Variants in LRRTM1 observed in about 807,000 individuals in gnomAD.
LRRTM1 encodes leucine-rich repeat transmembrane neuronal protein 1.
Under a neutral mutation model 37.3 loss-of-function variants are expected in LRRTM1, and 8 were observed. That is an observed-to-expected ratio of 0.21 (90% CI 0.13 to 0.39). LRRTM1 has a LOEUF of 0.39. Among genes scored for constraint, LRRTM1 ranks in the 10% least tolerant of loss-of-function variants. The pLI is 1.00. For synonymous variants in LRRTM1, 326 were observed against 316.8 expected (o/e 1.03, Z -0.31); for missense variants, 557 against 691.0 (o/e 0.81, Z 2.17).
intron 2 of LRRTM1, among the ~76,000 whole-genome samples, chr2:80,295,448 A>AT (rs960427010): frequency 2.6e-5 from 4 of 151,760 alleles, no homozygotes; most frequent in Non-Finnish European, 2.9e-5. Flanking sequence ...CTCTCAGTGA[A>AT]TTTTTTTTTA....
chr2:80,290,302 A>C (rs547452711), intron 2 of LRRTM1, among the ~76,000 whole-genome samples: 1 of 152,272 alleles, frequency 6.6e-6, no homozygotes, highest in East Asian at 1.9e-4. Flanking sequence ...GGAGCTGATA[A>C]GACAAAGTCC....
At chr2:80,289,331 G>A (rs766693721) in intron 2 of LRRTM1, 2 of 152,168 alleles carry the variant, frequency 1.3e-5, no homozygotes, top group Non-Finnish European at 2.9e-5. Flanking sequence ...GACTAACAGA[G>A]AGGGTGCTAT....
intron 2 of LRRTM1, among the ~76,000 whole-genome samples, chr2:80,291,555 G>C (rs1028619746): frequency 1.3e-5 from 2 of 152,180 alleles, no homozygotes; most frequent in African/African-American, 4.8e-5. Flanking sequence ...CAAAGAAAAA[G>C]CTTCTTTAAA....
rs757993915 is a variant in LRRTM1 at position 80,302,474 on chromosome 2, G to A, written c.1346C>T (p.Ser449Phe). 6.2e-7 allele frequency: 1 copy of A among 1,614,044 alleles called. No individual in the cohort carries two copies. The highest frequency in any genetic ancestry group is 8.5e-7 in the Non-Finnish European group (1 of 1,180,044). The change falls in exon 2 of 2, where the codon TCC becomes TTC. Residue 449 changes from serine to phenylalanine, a missense_variant. By Grantham distance (155) the Ser-to-Phe change is radical. Around this residue, in one of 5 missense-constraint regions of LRRTM1, gnomAD observed 90 missense variants for 149.4 expected, o/e 0.60. Coordinates refer to ENST00000295057, the MANE Select transcript of LRRTM1 (RefSeq NM_178839.5). The surrounding 1 kb of genome is among the most constrained non-coding windows in gnomAD (Gnocchi z 6.4). ...GAGGCTGGCTGGGAAACACTTCCAG[G>A]ACACGTAGAGCACCAGGACCACGAT... ...FLIVVLVLYV[S>F]WKCFPASLRQ...
At chr2:80,290,227 A>T (rs973529722) in intron 2 of LRRTM1, among the ~76,000 whole-genome samples, 2 of 152,168 alleles carry the variant, frequency 1.3e-5, no homozygotes, top group Non-Finnish European at 2.9e-5. Context: ...TCCATGCCAG[A>T]TAGTTTTTTA....
chr2:80,303,314 C>T lies in LRRTM1; in HGVS notation c.506G>A (p.Arg169Gln). Reference sequence around the variant, plus strand: ...GGGCACAAACTGGATGGCGTTGGCCCGCATATGCAGCGTGGTGAGCTTCCG... The same window carrying T: ...GGGCACAAACTGGATGGCGTTGGCCTGCATATGCAGCGTGGTGAGCTTCCG... The part of the protein sequence containing the change: ...GLRKLTTLHM[R>Q]ANAIQFVPVR... Residue 169 changes from arginine to glutamine, a missense_variant, in exon 2 of 2, where the codon CGG (arginine) becomes CAG (glutamine). Arg to Gln is a conservative substitution (Grantham distance 43, BLOSUM62 1). Transcript: ENST00000295057. The surrounding 1 kb of genome is among the most constrained non-coding windows in gnomAD (Gnocchi z 7.7). 1 of 1,613,724 alleles carries T rather than the reference C, an allele frequency of 6.2e-7. No homozygotes were observed. Among genetic ancestry groups the T allele is most frequent in the East Asian group, 2.2e-5 (1 of 44,844 alleles).
Position 80,302,464 on chromosome 2 carries a change from A to G in LRRTM1, c.1356T>C (p.Cys452=), listed in dbSNP as rs1415347876. The G allele has an allele frequency of 3.7e-6, 6 of 1,614,018 alleles. No individual in the cohort carries two copies. The highest frequency in any genetic ancestry group is 1.7e-5 in the Admixed American group (1 of 60,014). ...VVLVLYVSWK[C]FPASLRQLRQ... is the part of the protein sequence containing the mutation. Reference sequence around the variant, plus strand: ...TGAGCTGCCTGAGGCTGGCTGGGAAACACTTCCAGGACACGTAGAGCACCA... The same window carrying G: ...TGAGCTGCCTGAGGCTGGCTGGGAAGCACTTCCAGGACACGTAGAGCACCA... The change falls in exon 2 of 2, where the codon TGT becomes TGC. Residue 452 remains cysteine (C), a synonymous_variant. Transcript: ENST00000295057. The surrounding 1 kb of genome is among the most constrained non-coding windows in gnomAD (Gnocchi z 6.4).
chr2:80,297,222 G>A (rs1675824707), downstream of LRRTM1, among the ~76,000 whole-genome samples: 1 of 152,162 alleles, frequency 6.6e-6, no homozygotes, highest in Admixed American at 6.5e-5. Flanking sequence ...CTAGTTCTAG[G>A]CTCTTTGTTA....
Position 80,303,194 on chromosome 2 carries a change from A to G in LRRTM1, c.626T>C (p.Phe209Ser), listed in dbSNP as rs770462411. ...SLARNSFAGL[F>S]KLTELHLEHN... The stretch of plus-strand genomic sequence containing the variant: ...CTCGAGGTGCAGCTCGGTGAGCTTA[A>G]ACAAGCCGGCGAAAGAGTTGCGCGC... Residue 209 changes from phenylalanine to serine, a missense_variant, in exon 2 of 2, where the codon TTT becomes TCT. Transcript: ENST00000295057. The surrounding 1 kb of genome is among the most constrained non-coding windows in gnomAD (Gnocchi z 7.7). 2.3e-5 allele frequency: 37 copies of G among 1,613,846 alleles called. 1 individual carries two copies. The South Asian group carries it at 3.6e-4, about 16-fold the overall frequency.
At chr2:80,296,070 A>T (rs1175079107) in intron 2 of LRRTM1, among the ~76,000 whole-genome samples, 1 of 152,024 alleles carries the variant, frequency 6.6e-6, no homozygotes, top group Non-Finnish European at 1.5e-5. Context: ...TTTTACGATT[A>T]TTGCGGGTAC....
intron 2 of LRRTM1, among the ~76,000 whole-genome samples, chr2:80,293,574 A>C (rs1675459945): frequency 6.6e-6 from 1 of 152,148 alleles, no homozygotes; most frequent in South Asian, 2.1e-4. Flanking sequence ...ACAAGGTGGG[A>C]TGTCCTGGCC....
chr2:80,299,370 T>TC (rs1202482313), downstream of LRRTM1: 2 of 143,056 alleles, frequency 1.4e-5, no homozygotes, highest in East Asian at 4.6e-4. Context: ...TCCCCCCACC[T>TC]CCCCCCACCA....
Position 80,302,187 on chromosome 2 carries a change from C to T in LRRTM1, c.*64G>A, listed in dbSNP as rs1676385615. Reference sequence around the variant, plus strand: ...GACAAGGAGACCCCAGCCTGGTGCCCGCCGGCCCGTCCCGGCTGCCCAGGC... The same window carrying T: ...GACAAGGAGACCCCAGCCTGGTGCCTGCCGGCCCGTCCCGGCTGCCCAGGC... On this transcript the variant is annotated 3_prime_UTR_variant, in exon 2 of 2. Transcript: ENST00000295057. This position sits in a 1 kb window ranked among gnomAD's most constrained non-coding sequence, Gnocchi z 6.4. 1 of 1,559,866 alleles carries T rather than the reference C, an allele frequency of 6.4e-7. No homozygotes were observed. The highest frequency in any genetic ancestry group is 1.8e-5 in the Admixed American group (1 of 56,620).
Position 80,302,494 on chromosome 2 carries a change from C to T in LRRTM1, c.1326G>A (p.Val442=). The stretch of plus-strand genomic sequence containing the variant: ...TCCAGGACACGTAGAGCACCAGGAC[C>T]ACGATGAGGAAGGAGAAGATGAGGG... ...TMALIFSFLI[V]VLVLYVSWKC... Residue 442 remains valine, a synonymous_variant, in exon 2 of 2, where the codon GTG becomes GTA. Transcript: ENST00000295057. The surrounding 1 kb of genome is among the most constrained non-coding windows in gnomAD (Gnocchi z 6.4). The T allele has an allele frequency of 6.2e-7, 1 of 1,613,800 alleles. No individual in the cohort carries two copies.
At chr2:80,292,578 T>C (rs1027301933) in intron 2 of LRRTM1, among the ~76,000 whole-genome samples, 9 of 152,140 alleles carry the variant, frequency 5.9e-5, no homozygotes, top group African/African-American at 1.9e-4. Context: ...TTAACACTCC[T>C]ATAGGTGGAG....
chr2:80,299,042 C>T (rs1312388206), downstream of LRRTM1: 2 of 152,128 alleles, frequency 1.3e-5, no homozygotes, highest in Admixed American at 6.5e-5. Context: ...CTCAATACCA[C>T]TGCTGAACTT....
At chr2:80,301,713 C>T (rs1356379627), downstream of LRRTM1, among the ~76,000 whole-genome samples, 1 of 152,110 alleles carries the variant, frequency 6.6e-6, no homozygotes, top group East Asian at 1.9e-4. Flanking sequence ...ATCTGATAAG[C>T]TTTCTTTGCC....
At chr2:80,290,152 A>G (rs1030722636) in intron 2 of LRRTM1, among the ~76,000 whole-genome samples, 2 of 152,160 alleles carry the variant, frequency 1.3e-5, no homozygotes, top group African/African-American at 4.8e-5. Context: ...AGACAAGGGA[A>G]TTGAGGTACA....
At position 80,302,460 on chromosome 2, in the gene LRRTM1, G is replaced by A; in HGVS notation, c.1360C>T (p.Pro454Ser). 1 of 1,614,144 alleles carries A rather than the reference G, an allele frequency of 6.2e-7. No homozygotes were observed. The highest frequency in any genetic ancestry group is 1.3e-5 in the African/African-American group (1 of 75,062). ...LVLYVSWKCF[P>S]ASLRQLRQCF... ...TGTCTGAGCTGCCTGAGGCTGGCTG[G>A]GAAACACTTCCAGGACACGTAGAGC... Residue 454 changes from proline (P) to serine (S), a missense_variant, in exon 2 of 2, where the codon CCA (proline) becomes TCA (serine). Physicochemically the swap from Pro to Ser is moderately conservative, Grantham distance 74. Around this residue, in one of 5 missense-constraint regions of LRRTM1, gnomAD observed 90 missense variants for 149.4 expected, o/e 0.60. Transcript: ENST00000295057. The surrounding 1 kb of genome is among the most constrained non-coding windows in gnomAD (Gnocchi z 6.4).
Sources: gnomAD v4.1 joint callset for allele counts (sites outside exome capture counted in the v4.1 genomes callset) on GRCh38, gnomAD v4.1.1 for gene constraint, gnomAD v4.1.1 regional missense constraint, Gnocchi (gnomAD v3.1) non-coding constraint, MANE v1.5 for transcripts, NCBI Gene and HGNC (gene_info 2026-07-23, HGNC 2026-07-21) for gene names.